TRHDE: variants seen among roughly 807,000 people sequenced by gnomAD.
TRHDE encodes the protein thyrotropin releasing hormone degrading enzyme, also known as thyrotropin-releasing hormone-degrading ectoenzyme.
TRHDE carries 72 observed loss-of-function variants against 125.7 expected under a neutral mutation model. The observed-to-expected ratio is 0.57, with a 90% CI of 0.47 to 0.70. TRHDE has a LOEUF of 0.70. Ranked by LOEUF, TRHDE falls within the 30% of genes least tolerant of loss-of-function variation. The pLI is 0.00. For missense variants in TRHDE, 1,110 were observed against 1,327.1 expected (o/e 0.84, Z 2.54); for synonymous variants, 509 against 509.1 (o/e 1.00, Z 0.00).
chr12:72,155,667 C>T (rs560650548), intron 2 of TRHDE, among the ~76,000 whole-genome samples: 12 of 152,278 alleles, frequency 7.9e-5, no homozygotes, highest in Admixed American at 2.6e-4. Context: ...CTCCAGACCC[C>T]GTTTGCCTGG....
At chr12:72,496,279 A>T (rs898742836) in intron 5 of TRHDE, among the ~76,000 whole-genome samples, 2 of 152,174 alleles carry the variant, frequency 1.3e-5, no homozygotes, top group African/African-American at 2.4e-5. Context: ...CAGTATTTAT[A>T]TTAGTCTGTT....
chr12:72,218,149 G>GA (rs1451229594), intron 2 of TRHDE, among the ~76,000 whole-genome samples: 2 of 152,014 alleles, frequency 1.3e-5, no homozygotes, highest in Non-Finnish European at 2.9e-5. Context: ...TATAGGCACA[G>GA]AAAAAATGTG....
intron 2 of TRHDE, among the ~76,000 whole-genome samples, chr12:72,248,708 T>C (rs1878624441): frequency 6.6e-6 from 1 of 152,196 alleles, no homozygotes; most frequent in Non-Finnish European, 1.5e-5. Flanking sequence ...ATGTCTTCTA[T>C]GCAAAACCTA....
intron 18 of TRHDE, among the ~76,000 whole-genome samples, chr12:72,659,377 A>G (rs1206476749): frequency 1.3e-5 from 2 of 152,190 alleles, no homozygotes; most frequent in Non-Finnish European, 2.9e-5. Context: ...CACATTAATG[A>G]CTATTAACCA....
At chr12:72,394,217 A>T (rs1175200477) in intron 3 of TRHDE, among the ~76,000 whole-genome samples, 1 of 152,184 alleles carries the variant, frequency 6.6e-6, no homozygotes, top group African/African-American at 2.4e-5. Context: ...CTCAAATTCT[A>T]AACACAGAGA....
At chr12:72,476,331 G>T (rs1167201903) in intron 5 of TRHDE, among the ~76,000 whole-genome samples, 1 of 152,162 alleles carries the variant, frequency 6.6e-6, no homozygotes, top group African/African-American at 2.4e-5. Context: ...TAAACAAATT[G>T]CCCCTCCATA....
Position 72,273,595 on chromosome 12 carries a change from G to T in TRHDE, c.914+38G>T. 1 of 1,540,018 alleles carries T rather than the reference G, an allele frequency of 6.5e-7. No individual in the cohort carries two copies. The highest frequency in any genetic ancestry group is 8.7e-7 in the Non-Finnish European group (1 of 1,143,376). On this transcript the variant is annotated intron_variant, in intron 1 of 18. Transcript: ENST00000261180. This position sits in a 1 kb window ranked among gnomAD's most constrained non-coding sequence, Gnocchi z 5.3. ...GCGGTGCCCCGCGCTGCCCCACCCC[G>T]GCGCGCGGCTCGAACCTCTGGGCGG... is the stretch of plus-strand genomic sequence containing the variant.
intron 2 of TRHDE, among the ~76,000 whole-genome samples, chr12:72,318,578 AGCTGTGAGTGTGAG>A (rs1868922047): frequency 6.6e-6 from 1 of 152,132 alleles, no homozygotes; most frequent in South Asian, 2.1e-4. Context: ...ACCACGGCCC[AGCTGTGAGTGTGAG>A]GCTAACTCCC....
intron 2 of TRHDE, among the ~76,000 whole-genome samples, chr12:72,127,472 T>G (rs116485325): frequency 6.6e-6 from 1 of 152,184 alleles, no homozygotes; most frequent in Non-Finnish European, 1.5e-5. Flanking sequence ...TGAAGAAATG[T>G]GGTACATACA....
chr12:72,272,064 C>A, upstream of TRHDE: 1 of 457,654 alleles, frequency 2.2e-6, no homozygotes, highest in Non-Finnish European at 4.4e-6. The surrounding 1 kb of genome is among the most constrained non-coding windows in gnomAD (Gnocchi z 6.7). Context: ...CCATCCTTTT[C>A]TCTCCAGCTG....
intron 2 of TRHDE, among the ~76,000 whole-genome samples, chr12:72,337,745 C>T (rs1869893459): frequency 6.6e-6 from 1 of 152,080 alleles, no homozygotes; most frequent in Non-Finnish European, 1.5e-5. Context: ...TCTAGATTCA[C>T]TGCTGCCTCC....
At chr12:72,386,178 C>T (rs1213647753) in intron 3 of TRHDE, among the ~76,000 whole-genome samples, 35 of 152,132 alleles carry the variant, frequency 2.3e-4, no homozygotes, top group Non-Finnish European at 2.9e-5. Flanking sequence ...GGGTTTACTC[C>T]TAAGCATATA....
intron 2 of TRHDE, among the ~76,000 whole-genome samples, chr12:72,113,944 A>G (rs539793525): frequency 1.3e-5 from 2 of 151,994 alleles, no homozygotes; most frequent in South Asian, 4.1e-4. Context: ...CTAAGAGCTT[A>G]TATTCCAACT....
At chr12:72,458,891 A>G (rs1437706592) in intron 3 of TRHDE, among the ~76,000 whole-genome samples, 1 of 152,138 alleles carries the variant, frequency 6.6e-6, no homozygotes, top group African/African-American at 2.4e-5. Flanking sequence ...AATAATGGTA[A>G]TAATTATAAA....
At chr12:72,454,926 C>A (rs17111190) in intron 3 of TRHDE, among the ~76,000 whole-genome samples, 14,551 of 152,096 alleles carry the variant, frequency 0.096, 881 homozygotes, top group African/African-American at 0.16. Context: ...ATACAATATC[C>A]TTCAAGATTT....
intron 7 of TRHDE, among the ~76,000 whole-genome samples, chr12:72,551,955 G>A (rs888658724): frequency 6.6e-5 from 10 of 152,012 alleles, no homozygotes; most frequent in Admixed American, 4.6e-4. Context: ...AGAAGAGGGA[G>A]GAGCCCTACA....
intron 12 of TRHDE, among the ~76,000 whole-genome samples, chr12:72,614,746 A>G (rs912576016): frequency 6.6e-6 from 1 of 152,090 alleles, no homozygotes; most frequent in African/African-American, 2.4e-5. Context: ...CTTTAAAGAA[A>G]ACTCACAGTT....
At chr12:72,516,807 G>A (rs1485468971) in intron 6 of TRHDE, among the ~76,000 whole-genome samples, 1 of 152,048 alleles carries the variant, frequency 6.6e-6, no homozygotes, top group African/African-American at 2.4e-5. Context: ...TTATTATTTT[G>A]AGATACGTCC....
At chr12:72,605,961 C>T (rs1836043) in intron 12 of TRHDE, among the ~76,000 whole-genome samples, 61,367 of 151,880 alleles carry the variant, frequency 0.4, 14,388 homozygotes, top group African/African-American at 0.64. Flanking sequence ...TGTTTAAAGA[C>T]AAACAAAATG....
Sources: allele counts gnomAD v4.1 joint callset (sites outside exome capture counted in the v4.1 genomes callset), GRCh38; gene constraint gnomAD v4.1.1; non-coding constraint Gnocchi (gnomAD v3.1); transcripts MANE v1.5; gene names NCBI Gene and HGNC (gene_info 2026-07-23, HGNC 2026-07-21).